CSMD3: variants seen among roughly 807,000 people sequenced by gnomAD.
CSMD3 encodes the protein CUB and Sushi multiple domains 3, also known as CUB and sushi domain-containing protein 3.
In CSMD3, 177 loss-of-function variants were observed where a neutral mutation model predicts 435.2. The ratio of observed to expected loss-of-function variants is 0.41; its 90% confidence interval spans 0.36 to 0.46. The LOEUF (loss-of-function observed/expected upper bound fraction) is 0.46, where lower values mean the gene tolerates loss of function less well. Among genes scored for constraint, CSMD3 ranks in the 20% least tolerant of loss-of-function variants. The pLI is 0.34. For synonymous variants in CSMD3, 1,656 were observed against 1,520.5 expected, an observed-to-expected ratio of 1.09 and a Z score of -2.07; for missense variants, 4,265 against 4,504.6, an observed-to-expected ratio of 0.95 and a Z score of 1.52.
At chr8:112,821,308 A>G (rs577454839) in intron 12 of CSMD3, among the ~76,000 whole-genome samples, 1 of 152,130 alleles carries the variant, frequency 6.6e-6, no homozygotes, top group Non-Finnish European at 1.5e-5. Flanking sequence ...GCTTCCCAGT[A>G]TCTATTGTTT....
At chr8:112,334,310 T>C (rs185669359) in intron 45 of CSMD3, among the ~76,000 whole-genome samples, 2 of 152,340 alleles carry the variant, frequency 1.3e-5, no homozygotes, top group East Asian at 1.9e-4. Flanking sequence ...CTAGATCCCA[T>C]GTGCTTTAAA....
At chr8:112,913,256 C>G (rs2082478385) in intron 10 of CSMD3, among the ~76,000 whole-genome samples, 1 of 151,830 alleles carries the variant, frequency 6.6e-6, no homozygotes, top group Non-Finnish European at 1.5e-5. Flanking sequence ...ATGATTCAAG[C>G]ACATTATATT....
At chr8:112,386,851 C>T (rs1830019780) in intron 36 of CSMD3, among the ~76,000 whole-genome samples, 1 of 152,152 alleles carries the variant, frequency 6.6e-6, no homozygotes, top group East Asian at 1.9e-4. Flanking sequence ...AGTAACTTTG[C>T]GTTAGATATA....
At chr8:113,266,294 T>C (rs1333611690) in intron 3 of CSMD3, among the ~76,000 whole-genome samples, 2 of 151,256 alleles carry the variant, frequency 1.3e-5, no homozygotes, top group South Asian at 2.1e-4. Context: ...TCCTTTTATA[T>C]GTCATTATTT....
At chr8:112,323,954 C>T (rs1823249887) in intron 45 of CSMD3, among the ~76,000 whole-genome samples, 3 of 152,072 alleles carry the variant, frequency 2.0e-5, no homozygotes, top group Admixed American at 2.0e-4. Flanking sequence ...GCCCTACTCA[C>T]ACAGCCAGAA....
rs568329701 is a variant in CSMD3 at position 112,317,961 on chromosome 8, A to T, written c.7360+876T>A. 9.2e-5 allele frequency among the ~76,000 whole-genome samples: 14 copies of T among 152,216 alleles called. No individual in the cohort carries two copies. The South Asian group carries it at 2.9e-3, about 32-fold the overall frequency. On this transcript the variant is annotated intron_variant, in intron 47 of 70. Transcript: ENST00000297405. Reference sequence around the variant, plus strand: ...CTCAATTGTATTCAACTTAATCAACATTTATGATAATTGTGTGTTAGGCAC... The same window carrying T: ...CTCAATTGTATTCAACTTAATCAACTTTTATGATAATTGTGTGTTAGGCAC...
rs1322363339 is a variant in CSMD3 at position 112,292,794 on chromosome 8, T to TA, written c.8615-85dup. 4.2e-6 allele frequency: 5 copies of TA among 1,196,808 alleles called. No homozygotes were observed. In the East Asian group the frequency reaches 7.4e-5, roughly 18 times the overall value. 74.1% of individuals were successfully genotyped at this position (1,196,808 alleles called of 1,614,324 possible). On this transcript the variant is annotated intron_variant, in intron 54 of 70. Transcript: ENST00000297405. Reference sequence around the variant, plus strand: ...CAGTTATTGCATTATTGATTATACTTAATCATTTCAAACAAAGTAGAAAGA... The same window carrying TA: ...CAGTTATTGCATTATTGATTATACTTAAATCATTTCAAACAAAGTAGAAAGA...
chr8:113,233,146 TAATC>T (rs2093108099), intron 3 of CSMD3, among the ~76,000 whole-genome samples: 3 of 151,814 alleles, frequency 2.0e-5, no homozygotes, highest in Admixed American at 6.6e-5. Context: ...GTATGTTAAT[TAATC>T]AATGCTAAGG....
intron 38 of CSMD3, among the ~76,000 whole-genome samples, chr8:112,361,717 T>A (rs1827259465): frequency 6.7e-6 from 1 of 150,156 alleles, no homozygotes; most frequent in Non-Finnish European, 1.5e-5. Flanking sequence ...AGACACCCAG[T>A]AACATTGTTT....
intron 13 of CSMD3, among the ~76,000 whole-genome samples, chr8:112,709,306 A>G (rs1218446947): frequency 6.6e-6 from 1 of 152,130 alleles, no homozygotes; most frequent in Middle Eastern, 3.2e-3. Context: ...TACGACTTTT[A>G]TATTGAAAAA....
At chr8:112,428,727 A>G (rs1023999362) in intron 32 of CSMD3, among the ~76,000 whole-genome samples, 1 of 152,048 alleles carries the variant, frequency 6.6e-6, no homozygotes, top group African/African-American at 2.4e-5. Flanking sequence ...CTCTACATAT[A>G]TGACATGTAT....
At position 113,407,480 on chromosome 8, in the gene CSMD3, T is replaced by C. The variant is rs537724386; in HGVS notation, c.178+29197A>G. Reference sequence around the variant, plus strand: ...CACTGCATAGACTCAATTTGCAGTATCAAGGTAGAATTCAATGAGCTACAT... The same window carrying C: ...CACTGCATAGACTCAATTTGCAGTACCAAGGTAGAATTCAATGAGCTACAT... On this transcript the variant is annotated intron_variant, in intron 1 of 70. Transcript: ENST00000297405. Among the ~76,000 whole-genome samples the C allele has an allele frequency of 3.3e-5, 5 of 152,218 alleles. No individual in the cohort carries two copies. In the East Asian group the frequency reaches 9.7e-4, roughly 29 times the overall value.
intron 1 of CSMD3, among the ~76,000 whole-genome samples, chr8:113,326,015 A>C (rs918419014): frequency 1.3e-5 from 2 of 152,242 alleles, no homozygotes; most frequent in Non-Finnish European, 2.9e-5. Context: ...TTTATAACTA[A>C]TTTAGAAAAA....
intron 27 of CSMD3, among the ~76,000 whole-genome samples, chr8:112,524,615 T>G (rs1341994593): frequency 6.6e-6 from 1 of 151,964 alleles, no homozygotes; most frequent in African/African-American, 2.4e-5. Flanking sequence ...TGTATCAAAA[T>G]CTGATGACTT....
At chr8:112,706,807 A>G (rs901604697) in intron 13 of CSMD3, among the ~76,000 whole-genome samples, 1 of 152,144 alleles carries the variant, frequency 6.6e-6, no homozygotes, top group African/African-American at 2.4e-5. Flanking sequence ...AACTTGATAT[A>G]CAGTCAATTA....
intron 1 of CSMD3, among the ~76,000 whole-genome samples, chr8:113,421,123 T>C (rs950289752): frequency 6.6e-6 from 1 of 152,112 alleles, no homozygotes; most frequent in African/African-American, 2.4e-5. Context: ...ATGCTTTTCA[T>C]ATTCCAAATT....
At chr8:113,098,680 C>A in intron 5 of CSMD3, 76 bp downstream of exon 5, 1 of 985,666 alleles carries the variant, frequency 1.0e-6, no homozygotes, top group Non-Finnish European at 1.6e-6. Context: ...CTGTAAAAGT[C>A]CACATTCAGT....
chr8:113,191,630 T>C (rs574778995), intron 3 of CSMD3, among the ~76,000 whole-genome samples: 86 of 151,978 alleles, frequency 5.7e-4, no homozygotes, highest in African/African-American at 1.7e-3. Flanking sequence ...TTGGTGTCTA[T>C]GTATCACATT....
At chr8:112,872,768 AT>A (rs1160105691) in intron 10 of CSMD3, among the ~76,000 whole-genome samples, 1 of 152,018 alleles carries the variant, frequency 6.6e-6, no homozygotes, top group Non-Finnish European at 1.5e-5. Context: ...ATAAAAACAA[AT>A]CCAACCTAGC....
Sources: gnomAD v4.1 joint callset for allele counts (sites outside exome capture counted in the v4.1 genomes callset) on GRCh38, gnomAD v4.1.1 for gene constraint, MANE v1.5 for transcripts, NCBI Gene and HGNC (gene_info 2026-07-23, HGNC 2026-07-21) for gene names.